Variants in KIAA0825 observed in about 807,000 individuals in gnomAD.
KIAA0825 encodes the protein KIAA0825, also known as uncharacterized protein KIAA0825.
Under a neutral mutation model 147.6 loss-of-function variants are expected in KIAA0825, and 119 were observed. That is an observed-to-expected ratio of 0.81 (90% CI 0.69 to 0.94). The LOEUF is 0.94. KIAA0825 is among the 40% of genes least tolerant of loss of function. KIAA0825 has a pLI of 0.00. For missense variants in KIAA0825, 1,381 were observed against 1,472.7 expected, an observed-to-expected ratio of 0.94 and a Z score of 1.02; for synonymous variants, 470 against 518.1, an observed-to-expected ratio of 0.91 and a Z score of 1.26.
chr5:94,336,710 C>T (rs1303512089), intron 20 of KIAA0825, among the ~76,000 whole-genome samples: 2 of 151,926 alleles, frequency 1.3e-5, no homozygotes, highest in African/African-American at 4.8e-5. Flanking sequence ...TGAATAGTGC[C>T]GCAGTAAGCA....
At chr5:94,583,675 T>C (rs1782678831) in intron 1 of KIAA0825, among the ~76,000 whole-genome samples, 1 of 152,166 alleles carries the variant, frequency 6.6e-6, no homozygotes, top group Non-Finnish European at 1.5e-5. Flanking sequence ...AGAACAGTGG[T>C]TCTCCCAGCA....
intron 20 of KIAA0825, among the ~76,000 whole-genome samples, chr5:94,225,248 T>C (rs897323382): frequency 3.9e-5 from 6 of 152,322 alleles, no homozygotes; most frequent in African/African-American, 1.4e-4. Context: ...TATCGAAGCA[T>C]AAATTTAAGA....
chr5:94,337,172 T>C (rs1214006649), intron 20 of KIAA0825, among the ~76,000 whole-genome samples: 1 of 152,006 alleles, frequency 6.6e-6, no homozygotes, highest in Non-Finnish European at 1.5e-5. Context: ...CATTTTGGGG[T>C]GATGGAAACT....
intron 20 of KIAA0825, among the ~76,000 whole-genome samples, chr5:94,214,803 C>T (rs13154249): frequency 0.1 from 15,728 of 152,236 alleles, 922 homozygotes; most frequent in Middle Eastern, 0.14. Flanking sequence ...AATCATATTG[C>T]CCAGGCAAAC....
intron 20 of KIAA0825, among the ~76,000 whole-genome samples, chr5:94,323,550 C>T (rs1780401561): frequency 6.8e-6 from 1 of 147,984 alleles, no homozygotes; most frequent in African/African-American, 2.5e-5. Flanking sequence ...CCCAAAAGCT[C>T]CAGACCAAAA....
At chr5:94,465,862 T>C (rs1447390793) in intron 10 of KIAA0825, among the ~76,000 whole-genome samples, 1 of 152,034 alleles carries the variant, frequency 6.6e-6, no homozygotes, top group East Asian at 1.9e-4. Flanking sequence ...GAAAGAAGAG[T>C]GTGGCCTCAA....
chr5:94,333,034 G>A (rs1213041420), intron 20 of KIAA0825, among the ~76,000 whole-genome samples: 1 of 152,090 alleles, frequency 6.6e-6, no homozygotes, highest in Non-Finnish European at 1.5e-5. Context: ...CTTTTGAAAA[G>A]CATCTGTTCA....
intron 14 of KIAA0825, among the ~76,000 whole-genome samples, chr5:94,428,142 GTTGTGT>G (rs1755145655): frequency 1.8e-5 from 2 of 111,976 alleles, no homozygotes; most frequent in South Asian, 3.4e-4. Context: ...ATAAGGTCTT[GTTGTGT>G]GTGTGTGTGT....
intron 20 of KIAA0825, among the ~76,000 whole-genome samples, chr5:94,254,391 G>A (rs4546363): frequency 0.13 from 20,201 of 152,000 alleles, 1,572 homozygotes; most frequent in East Asian, 0.22. Flanking sequence ...GGTCACAGAC[G>A]GATACCTCAT....
chr5:94,164,785 C>G (rs1767887779), intron 20 of KIAA0825, among the ~76,000 whole-genome samples: 1 of 151,934 alleles, frequency 6.6e-6, no homozygotes, highest in South Asian at 2.1e-4. Flanking sequence ...ATAAATGGTG[C>G]TGGGAAAACT....
At chr5:94,575,437 C>G (rs556438581) in intron 2 of KIAA0825, among the ~76,000 whole-genome samples, 1 of 152,050 alleles carries the variant, frequency 6.6e-6, no homozygotes, top group African/African-American at 2.4e-5. Context: ...GTGAGGCAGA[C>G]AGTTACAACT....
At chr5:94,473,925 T>G (rs1761529239) in intron 7 of KIAA0825, among the ~76,000 whole-genome samples, 1 of 152,204 alleles carries the variant, frequency 6.6e-6, no homozygotes, top group Admixed American at 6.5e-5. Context: ...TATAGTTTAT[T>G]GTTAACAAGT....
chr5:94,155,984 G>T (rs1369968910), intron 20 of KIAA0825, among the ~76,000 whole-genome samples: 1 of 152,130 alleles, frequency 6.6e-6, no homozygotes, highest in Non-Finnish European at 1.5e-5. Flanking sequence ...GTGAAATTGG[G>T]TATCGCTAAT....
intron 20 of KIAA0825, among the ~76,000 whole-genome samples, chr5:94,243,190 G>A (rs1484099010): frequency 6.6e-6 from 1 of 152,176 alleles, no homozygotes; most frequent in Non-Finnish European, 1.5e-5. Context: ...CACAGTGAAT[G>A]TTCATCAAAT....
intron 5 of KIAA0825, among the ~76,000 whole-genome samples, chr5:94,515,988 C>G (rs1325411007): frequency 6.6e-6 from 1 of 151,832 alleles, no homozygotes; most frequent in East Asian, 1.9e-4. Context: ...TCATTTTTTT[C>G]AGATAACAAA....
chr5:94,238,950 TAAAG>T (rs1238992227), intron 20 of KIAA0825, among the ~76,000 whole-genome samples: 1 of 152,180 alleles, frequency 6.6e-6, no homozygotes, highest in Admixed American at 6.5e-5. Flanking sequence ...CTATATAACA[TAAAG>T]AAAGTTGAAC....
intron 5 of KIAA0825, among the ~76,000 whole-genome samples, chr5:94,490,610 G>T (rs895555677): frequency 6.6e-6 from 1 of 151,656 alleles, no homozygotes; most frequent in Non-Finnish European, 1.5e-5. Context: ...ACCATAAAAG[G>T]TGCGCACAGA....
At chr5:94,597,258 A>G (rs759176768) in intron 1 of KIAA0825, among the ~76,000 whole-genome samples, 16 of 152,306 alleles carry the variant, frequency 1.1e-4, no homozygotes, top group Middle Eastern at 3.4e-3. Flanking sequence ...AAAATAGACC[A>G]TGTACCTAGG....
intron 20 of KIAA0825, among the ~76,000 whole-genome samples, chr5:94,357,853 G>T (rs1342843668): frequency 6.6e-6 from 1 of 150,904 alleles, no homozygotes; most frequent in Non-Finnish European, 1.5e-5. Context: ...CTAGACAAAA[G>T]ACGTATTCAA....
Sources: allele counts gnomAD v4.1 joint callset (sites outside exome capture counted in the v4.1 genomes callset), GRCh38; gene constraint gnomAD v4.1.1; transcripts MANE v1.5; gene names NCBI Gene and HGNC (gene_info 2026-07-23, HGNC 2026-07-21).